Variants in RABGAP1 observed in about 807,000 individuals in gnomAD.
The protein encoded by RABGAP1 is rab GTPase-activating protein 1.
In RABGAP1, 23 loss-of-function variants were observed where a neutral mutation model predicts 137.6. That is an observed-to-expected ratio of 0.17 (90% CI 0.12 to 0.24). The LOEUF is 0.24. Ranked by LOEUF, RABGAP1 falls within the 10% of genes least tolerant of loss-of-function variation. The pLI is 1.00. For missense variants in RABGAP1, 906 were observed against 1,275.8 expected (o/e 0.71, Z 4.42); for synonymous variants, 451 against 450.7 (o/e 1.00, Z -0.01).
At chr9:123,039,467 C>CAGAA (rs929080822) in intron 13 of RABGAP1, among the ~76,000 whole-genome samples, 6 of 152,116 alleles carry the variant, frequency 3.9e-5, no homozygotes, top group African/African-American at 1.4e-4. Flanking sequence ...GTCACACCAG[C>CAGAA]CTTCTCCCTT....
intron 13 of RABGAP1, among the ~76,000 whole-genome samples, chr9:123,039,494 G>A (rs1268515103): frequency 6.6e-6 from 1 of 152,046 alleles, no homozygotes; most frequent in Non-Finnish European, 1.5e-5. Flanking sequence ...GGTATTATAG[G>A]GCAGTGATGT....
At chr9:123,042,289 A>C (rs2032990340) in intron 13 of RABGAP1, among the ~76,000 whole-genome samples, 1 of 152,212 alleles carries the variant, frequency 6.6e-6, no homozygotes, top group African/African-American at 2.4e-5. Context: ...CCACCCATGC[A>C]CACAGAGCTC....
intron 6 of RABGAP1, among the ~76,000 whole-genome samples, chr9:122,993,580 A>G (rs1444101904): frequency 1.3e-5 from 2 of 150,862 alleles, no homozygotes; most frequent in Non-Finnish European, 3.0e-5. Flanking sequence ...CCAATTTTTA[A>G]ATTATTATGA....
intron 2 of RABGAP1, among the ~76,000 whole-genome samples, chr9:122,966,710 G>A (rs1396349570): frequency 6.6e-6 from 1 of 152,096 alleles, no homozygotes; most frequent in Non-Finnish European, 1.5e-5. Flanking sequence ...GAAAACCCGG[G>A]TGTATTACTT....
At chr9:123,044,010 C>T (rs1224599330) in intron 13 of RABGAP1, among the ~76,000 whole-genome samples, 4 of 151,308 alleles carry the variant, frequency 2.6e-5, no homozygotes, top group Admixed American at 2.6e-4. Context: ...AGGCCATTCT[C>T]CTGCCTCAGC....
intron 13 of RABGAP1, among the ~76,000 whole-genome samples, chr9:123,032,877 T>G (rs769733745): frequency 1.3e-5 from 2 of 152,220 alleles, no homozygotes; most frequent in African/African-American, 2.4e-5. Flanking sequence ...GGCTTATTTG[T>G]ACCATGAAAC....
At chr9:123,018,715 C>T (rs536965600) in intron 12 of RABGAP1, among the ~76,000 whole-genome samples, 11 of 152,324 alleles carry the variant, frequency 7.2e-5, no homozygotes, top group African/African-American at 2.6e-4. Flanking sequence ...ATTAGGGCAC[C>T]AGTGTCACAG....
chr9:123,076,735 A>C lies in RABGAP1; in HGVS notation c.2397A>C (p.Lys799Asn), dbSNP rs752041462. 6.2e-7 allele frequency: 1 copy of C among 1,603,178 alleles called. No individual in the cohort carries two copies. The highest frequency in any genetic ancestry group is 8.5e-7 in the Non-Finnish European group (1 of 1,174,886). ...ACCGCTCAGAAGAAAATGCAAAAAAACTAATGGAATTAGCCTGCAACATGA... is the reference window on the plus strand; with the variant it reads ...ACCGCTCAGAAGAAAATGCAAAAAACCTAATGGAATTAGCCTGCAACATGA... ...KRYRSEENAKKLMELACNMKI... is the reference protein window; with the variant it reads ...KRYRSEENAKNLMELACNMKI... The change falls in exon 19 of 26, where the codon AAA (lysine) becomes AAC (asparagine). Residue 799 changes from lysine to asparagine, a missense_variant. Lys to Asn is a moderately conservative substitution (Grantham distance 94). Around this residue, in one of 9 missense-constraint regions of RABGAP1, gnomAD observed 77 missense variants for 105.6 expected, o/e 0.73. Coordinates refer to ENST00000373647, the MANE Select transcript of RABGAP1 (RefSeq NM_012197.4).
intron 21 of RABGAP1, among the ~76,000 whole-genome samples, chr9:123,097,080 CCTT>C (rs1326093397): frequency 2.0e-5 from 3 of 152,162 alleles, no homozygotes; most frequent in Non-Finnish European, 4.4e-5. Context: ...TATAGTCAGT[CCTT>C]CTTCAGTTAT....
At chr9:123,051,924 T>TG in intron 13 of RABGAP1, among the ~76,000 whole-genome samples, 1 of 150,810 alleles carries the variant, frequency 6.6e-6, no homozygotes, top group East Asian at 1.9e-4. Flanking sequence ...CCTGAGTAGC[T>TG]GGGACTACAG....
intron 11 of RABGAP1, among the ~76,000 whole-genome samples, chr9:123,013,682 A>G (rs1342888156): frequency 6.6e-6 from 1 of 152,164 alleles, no homozygotes; most frequent in East Asian, 1.9e-4. Context: ...AAGATCTCTC[A>G]CATTCTATCA....
At chr9:122,962,898 CAAACAGCATTATA>C (rs2131645673) in intron 2 of RABGAP1, among the ~76,000 whole-genome samples, 1 of 152,168 alleles carries the variant, frequency 6.6e-6, no homozygotes, top group South Asian at 2.1e-4. Context: ...AAATATAATG[CAAACAGCATTATA>C]AGAAAGCTGG....
At position 122,998,590 on chromosome 9, in the gene RABGAP1, T is replaced by C. The variant is rs780304006; in HGVS notation, c.1205-7T>C. ...TACCTCTTCAGCCTCTCTCTTTCTT[T>C]GTTTAGATAAAGTCCTGTTTATGAC... On this transcript the variant is annotated splice_region_variant and splice_polypyrimidine_tract_variant and intron_variant, in intron 9 of 25. Coordinates refer to ENST00000373647, the MANE Select transcript of RABGAP1 (RefSeq NM_012197.4). 14 of 1,557,014 alleles carry C rather than the reference T, an allele frequency of 9.0e-6. No homozygotes were observed. In the Admixed American group the frequency reaches 2.6e-4, roughly 29 times the overall value.
intron 19 of RABGAP1, 61 bp from the exon 20 acceptor site, chr9:123,089,697 G>A: frequency 7.7e-7 from 1 of 1,305,816 alleles, no homozygotes; most frequent in Non-Finnish European, 1.1e-6. Context: ...CTTCAGTGCA[G>A]GCACTGAAGC....
At position 123,103,688 on chromosome 9, in the gene RABGAP1, A is replaced by G. The variant is rs888218514; in HGVS notation, c.*475A>G. ...ATTCAAATAATTCTTTTCTGCTTCA[A>G]TGCCAGCAGAAGGTCCCCCAGGTAG... On this transcript the variant is annotated 3_prime_UTR_variant, in exon 26 of 26. Transcript: ENST00000373647. 8 of 138,710 alleles carry G rather than the reference A, an allele frequency of 5.8e-5. No homozygotes were observed. The highest frequency in any genetic ancestry group is 1.6e-4 in the African/African-American group (6 of 38,062). 8.6% of individuals were successfully genotyped at this position (138,710 alleles called of 1,614,324 possible).
intron 13 of RABGAP1, chr9:123,034,537 A>G (rs751170120): frequency 2.8e-6 from 4 of 1,430,664 alleles, no homozygotes; most frequent in South Asian, 2.6e-5. Context: ...AAGCGGCAGC[A>G]TGAAGTGACA....
At chr9:123,035,369 A>G (rs557845070) in intron 13 of RABGAP1, 5 of 1,613,990 alleles carry the variant, frequency 3.1e-6, no homozygotes, top group South Asian at 1.1e-5. Flanking sequence ...TGGTTGCCAT[A>G]TATCATCTAC....
At chr9:123,057,547 G>A (rs1564166655) in intron 13 of RABGAP1, among the ~76,000 whole-genome samples, 1 of 151,662 alleles carries the variant, frequency 6.6e-6, no homozygotes, top group Non-Finnish European at 1.5e-5. Flanking sequence ...CGGCCGGGCA[G>A]AGACGCTCCT....
chr9:123,100,739 C>T (rs927836775), intron 24 of RABGAP1, among the ~76,000 whole-genome samples: 4 of 152,110 alleles, frequency 2.6e-5, no homozygotes, highest in African/African-American at 9.7e-5. Flanking sequence ...GGTTTTTAAA[C>T]AGAACTTATT....
Sources: allele counts gnomAD v4.1 joint callset (sites outside exome capture counted in the v4.1 genomes callset), GRCh38; gene constraint gnomAD v4.1.1; regional missense constraint gnomAD v4.1.1; transcripts MANE v1.5; gene names NCBI Gene and HGNC (gene_info 2026-07-23, HGNC 2026-07-21).